The following CHST9 variants were observed in gnomAD, a reference collection of about 807,000 sequenced individuals.
CHST9 encodes the protein carbohydrate sulfotransferase 9.
CHST9 carries 41 observed loss-of-function variants against 44.4 expected under a neutral mutation model. The observed-to-expected ratio is 0.92, with a 90% CI of 0.72 to 1.20. The LOEUF (loss-of-function observed/expected upper bound fraction) is 1.20, where lower values mean the gene tolerates loss of function less well. Among genes scored for constraint, CHST9 ranks in the 50% most tolerant of loss-of-function variants. CHST9 has a pLI of 0.00. For missense variants in CHST9, 504 were observed against 516.5 expected (o/e 0.98, Z 0.23); for synonymous variants, 171 against 178.4 (o/e 0.96, Z 0.33).
intron 2 of CHST9, among the ~76,000 whole-genome samples, chr18:27,121,810 G>C (rs372140668): frequency 6.6e-6 from 1 of 152,120 alleles, no homozygotes; most frequent in Non-Finnish European, 1.5e-5. Context: ...TTCCAGGGGC[G>C]ATACTGAGAA....
At chr18:27,113,772 C>T (rs146619282) in intron 2 of CHST9, among the ~76,000 whole-genome samples, 31 of 152,222 alleles carry the variant, frequency 2.0e-4, no homozygotes, top group African/African-American at 3.4e-4. Flanking sequence ...CCCCAGTTTA[C>T]GGTATTTTGT....
chr18:27,091,588 T>C (rs2058069606), intron 2 of CHST9, among the ~76,000 whole-genome samples: 1 of 152,210 alleles, frequency 6.6e-6, no homozygotes, highest in Admixed American at 6.5e-5. Flanking sequence ...GGGTTTGTCA[T>C]AGATAGCTCT....
At chr18:27,060,196 A>G (rs143738731) in intron 2 of CHST9, among the ~76,000 whole-genome samples, 2,155 of 152,264 alleles carry the variant, frequency 0.014, 34 homozygotes, top group South Asian at 0.034. Context: ...CAAGAAATTC[A>G]CAGTCAAGGT....
chr18:27,125,890 C>G (rs1168643500), intron 2 of CHST9, among the ~76,000 whole-genome samples: 1 of 151,780 alleles, frequency 6.6e-6, no homozygotes, highest in Non-Finnish European at 1.5e-5. Flanking sequence ...CAATATTCTC[C>G]AAAACAAAGG....
chr18:26,943,901 C>A (rs1244164613), intron 5 of CHST9, among the ~76,000 whole-genome samples: 1 of 152,116 alleles, frequency 6.6e-6, no homozygotes, highest in Admixed American at 6.5e-5. Context: ...ATATAGGGGG[C>A]CAGTTCTTAG....
intron 2 of CHST9, among the ~76,000 whole-genome samples, chr18:27,107,952 C>T (rs530069087): frequency 8.5e-5 from 13 of 152,262 alleles, no homozygotes; most frequent in African/African-American, 2.9e-4. Flanking sequence ...CTCACGTCCA[C>T]GTTATTACTC....
At chr18:27,127,677 G>C (rs2058436313) in intron 2 of CHST9, among the ~76,000 whole-genome samples, 1 of 152,192 alleles carries the variant, frequency 6.6e-6, no homozygotes, top group Admixed American at 6.5e-5. Flanking sequence ...ATTGAACTGT[G>C]TATAATTACA....
intron 5 of CHST9, among the ~76,000 whole-genome samples, chr18:26,918,817 C>T (rs2055588978): frequency 6.6e-6 from 1 of 151,964 alleles, no homozygotes; most frequent in African/African-American, 2.4e-5. Flanking sequence ...GTGAATAACC[C>T]CCTGAATACC....
intron 4 of CHST9, among the ~76,000 whole-genome samples, chr18:26,971,779 C>T (rs1306054413): frequency 6.6e-6 from 1 of 152,086 alleles, no homozygotes; most frequent in African/African-American, 2.4e-5. Flanking sequence ...GGGAAATCCA[C>T]TCCTCCACTA....
chr18:26,937,227 T>A (rs2056009874), intron 5 of CHST9, among the ~76,000 whole-genome samples: 1 of 152,150 alleles, frequency 6.6e-6, no homozygotes, highest in South Asian at 2.1e-4. Flanking sequence ...TAGACCAGAT[T>A]CACTTTATTT....
chr18:27,126,745 G>A (rs1284843403), intron 2 of CHST9, among the ~76,000 whole-genome samples: 1 of 152,056 alleles, frequency 6.6e-6, no homozygotes, highest in Non-Finnish European at 1.5e-5. Flanking sequence ...AGGATAATCA[G>A]GCTTCAAGCA....
At position 26,914,380 on chromosome 18, in the gene CHST9, C is replaced by T. The variant is rs11659941; in HGVS notation, c.*1879G>A. 0.17 allele frequency: 26,407 copies of T among 152,104 alleles called. 2,382 individuals carry two copies. Among genetic ancestry groups the T allele is most frequent in the Non-Finnish European group, 0.2 (13,889 of 67,970 alleles). The allele number at this position is 152,104 out of a possible 1,614,324, so 9.4% of individuals were successfully genotyped here. Reference sequence around the variant, plus strand: ...TTTGTGTTTCTTAGGAATAAAATTTCAGGCTTCTGGAATATTTTTTATTTT... The same window carrying T: ...TTTGTGTTTCTTAGGAATAAAATTTTAGGCTTCTGGAATATTTTTTATTTT... On this transcript the variant is annotated 3_prime_UTR_variant, in exon 6 of 6. Transcript: ENST00000618847.
intron 4 of CHST9, among the ~76,000 whole-genome samples, chr18:26,966,382 G>C (rs949088709): frequency 1.3e-5 from 2 of 152,182 alleles, no homozygotes; most frequent in Admixed American, 6.5e-5. Flanking sequence ...TGGTGTCTTA[G>C]ACCCCAAAGC....
chr18:27,066,016 A>T (rs1049017903), intron 2 of CHST9, among the ~76,000 whole-genome samples: 2 of 152,142 alleles, frequency 1.3e-5, no homozygotes, highest in African/African-American at 4.8e-5. Context: ...GGAAGAGCTT[A>T]TTAGCCCCCA....
chr18:27,026,216 C>G lies in CHST9; in HGVS notation c.161-2059G>C, dbSNP rs374187030. Among the ~76,000 whole-genome samples, 50 of 152,222 alleles carry G rather than the reference C, an allele frequency of 3.3e-4. No individual in the cohort carries two copies. The South Asian group carries it at 1.0e-2, about 30-fold the overall frequency. The stretch of plus-strand genomic sequence containing the variant: ...TAGGGCATTACAATGAGAGTACACT[C>G]AGGTATTGGTAATTCTTCCCTGGTC... On this transcript the variant is annotated intron_variant, in intron 3 of 5. Transcript: ENST00000618847.
chr18:27,139,022 T>G (rs192246166), intron 2 of CHST9, among the ~76,000 whole-genome samples: 2 of 152,204 alleles, frequency 1.3e-5, no homozygotes, highest in African/African-American at 4.8e-5. Context: ...TTGGATAGAT[T>G]TTAATTTCTC....
intron 2 of CHST9, among the ~76,000 whole-genome samples, chr18:27,092,153 C>G (rs573270973): frequency 1.3e-5 from 2 of 152,276 alleles, no homozygotes; most frequent in African/African-American, 2.4e-5. Context: ...GATTCAACTT[C>G]TTCCTGGTTT....
intron 2 of CHST9, among the ~76,000 whole-genome samples, chr18:27,080,752 TG>T (rs2057952395): frequency 6.6e-6 from 1 of 152,104 alleles, no homozygotes; most frequent in Admixed American, 6.6e-5. Flanking sequence ...GGAAAGAAGA[TG>T]GGAGAAATGG....
chr18:27,151,733 T>G (rs1196658545), intron 1 of CHST9, among the ~76,000 whole-genome samples: 1 of 152,150 alleles, frequency 6.6e-6, no homozygotes, highest in Non-Finnish European at 1.5e-5. Context: ...AGCTAGGGAA[T>G]GTAGGTGGCC....
Sources: allele counts gnomAD v4.1 joint callset (sites outside exome capture counted in the v4.1 genomes callset), GRCh38; gene constraint gnomAD v4.1.1; transcripts MANE v1.5; gene names NCBI Gene and HGNC (gene_info 2026-07-23, HGNC 2026-07-21).